SULT1B1: variants seen among roughly 807,000 people sequenced by gnomAD.
SULT1B1 encodes the protein sulfotransferase family 1B member 1.
In SULT1B1, 28 loss-of-function variants were observed where a neutral mutation model predicts 34.6. The observed-to-expected ratio is 0.81, with a 90% CI of 0.60 to 1.11. The LOEUF is 1.11. Among genes scored for constraint, SULT1B1 ranks in the 50% least tolerant of loss-of-function variants. The pLI is 0.00. For missense variants in SULT1B1, 374 were observed against 352.2 expected (o/e 1.06, Z -0.50); for synonymous variants, 147 against 110.2 (o/e 1.33, Z -2.09).
At chr4:69,739,658 G>C (rs1353350993) in intron 4 of SULT1B1, among the ~76,000 whole-genome samples, 2 of 152,210 alleles carry the variant, frequency 1.3e-5, no homozygotes, top group African/African-American at 4.8e-5. Flanking sequence ...ACATTGTCTA[G>C]GTGATTAGCA....
intron 4 of SULT1B1, among the ~76,000 whole-genome samples, chr4:69,747,182 T>C (rs1718783154): frequency 6.6e-6 from 1 of 152,050 alleles, no homozygotes; most frequent in African/African-American, 2.4e-5. Context: ...TAATCCAACA[T>C]GGAAGCAGGG....
At chr4:69,729,857 A>G (rs980317480) in intron 7 of SULT1B1, among the ~76,000 whole-genome samples, 1 of 152,142 alleles carries the variant, frequency 6.6e-6, no homozygotes, top group African/African-American at 2.4e-5. Context: ...GGTTAAATGT[A>G]TTGTTATTAT....
At chr4:69,747,412 G>C (rs57060589) in intron 4 of SULT1B1, among the ~76,000 whole-genome samples, 1 of 152,148 alleles carries the variant, frequency 6.6e-6, no homozygotes. Context: ...CAAGTGCTTC[G>C]GCAGGGCAGC....
At chr4:69,733,840 C>T (rs902765484) in intron 5 of SULT1B1, among the ~76,000 whole-genome samples, 29 of 152,090 alleles carry the variant, frequency 1.9e-4, no homozygotes, top group African/African-American at 7.0e-4. Flanking sequence ...ATTAACAGAT[C>T]TAACTAATTG....
In SULT1B1 at chr4:69,725,201, G is replaced by A. The variant is rs1248521847; in HGVS notation, c.*1887C>T. The A allele has an allele frequency of 4.0e-5, 6 of 151,814 alleles. No homozygotes were observed. Among genetic ancestry groups the A allele is most frequent in the Admixed American group, 1.3e-4 (2 of 15,236 alleles). The allele number at this position is 151,814 out of a possible 1,614,324, so 9.4% of individuals were successfully genotyped here. ...AAAAAAAAAACAACCCCATCAACAAGTGTGCAAAGAATATGAACAGATACT... is the reference window on the plus strand; with the variant it reads ...AAAAAAAAAACAACCCCATCAACAAATGTGCAAAGAATATGAACAGATACT... On this transcript the variant is annotated 3_prime_UTR_variant, in exon 8 of 8. Transcript: ENST00000310613.
intron 4 of SULT1B1, among the ~76,000 whole-genome samples, chr4:69,744,145 G>A (rs1404587649): frequency 1.3e-5 from 2 of 152,114 alleles, no homozygotes; most frequent in African/African-American, 4.8e-5. Context: ...TTCCCTCCAT[G>A]TCTAACCACG....
chr4:69,750,258 T>A (rs1283093133), intron 3 of SULT1B1, among the ~76,000 whole-genome samples: 1 of 152,212 alleles, frequency 6.6e-6, no homozygotes, highest in African/African-American at 2.4e-5. Context: ...TATTAGGTAC[T>A]GTAGCATAGA....
intron 7 of SULT1B1, 126 bp from the exon 8 acceptor site, chr4:69,727,326 A>G (rs1013989880): frequency 3.4e-6 from 2 of 590,552 alleles, no homozygotes. Flanking sequence ...GAATTCAAAC[A>G]GTCTTTAAAT....
At chr4:69,760,090 C>A in intron 1 of SULT1B1, 1 of 199,500 alleles carries the variant, frequency 5.0e-6, no homozygotes, top group Non-Finnish European at 9.0e-6. Flanking sequence ...TGGAGTGCAC[C>A]TTAAAGGTGT....
At chr4:69,730,862 C>G (rs1401531851) in intron 6 of SULT1B1, among the ~76,000 whole-genome samples, 181 bp from the exon 7 acceptor site, 4 of 152,030 alleles carry the variant, frequency 2.6e-5, no homozygotes, top group African/African-American at 9.7e-5. Context: ...TCAAGAATAT[C>G]TGTTATATTT....
At position 69,754,348 on chromosome 4, in the gene SULT1B1, A is replaced by T. The variant is rs185089581; in HGVS notation, c.277+322T>A. On this transcript the variant is annotated intron_variant, in intron 3 of 7. Transcript: ENST00000310613. ...AAGAAAAGTTGCTTCTTATTTATTA[A>T]TTACAACAAAGTCCTAAATTAGGAA... Among the ~76,000 whole-genome samples the T allele has an allele frequency of 5.8e-4, 89 of 152,290 alleles. 1 individual carries two copies. Among genetic ancestry groups the T allele is most frequent in the African/African-American group, 2.1e-3 (87 of 41,578 alleles).
intron 3 of SULT1B1, among the ~76,000 whole-genome samples, chr4:69,751,710 C>T (rs1014990030): frequency 6.6e-6 from 1 of 152,200 alleles, no homozygotes; most frequent in Non-Finnish European, 1.5e-5. Context: ...CCTCGACCTC[C>T]CAAAGTGCTG....
At chr4:69,749,166 A>G (rs1018176324) in intron 4 of SULT1B1, among the ~76,000 whole-genome samples, 2 of 152,126 alleles carry the variant, frequency 1.3e-5, no homozygotes, top group Non-Finnish European at 2.9e-5. Context: ...AAAACAGGGT[A>G]TCAGAACAAA....
chr4:69,740,994 TTTC>T (rs1718527608), intron 4 of SULT1B1, among the ~76,000 whole-genome samples: 1 of 152,206 alleles, frequency 6.6e-6, no homozygotes, highest in Non-Finnish European at 1.5e-5. Flanking sequence ...TTTTCTAAGT[TTTC>T]TTCTGGGTTT....
At chr4:69,750,407 T>C (rs1718935209) in intron 3 of SULT1B1, among the ~76,000 whole-genome samples, 1 of 152,168 alleles carries the variant, frequency 6.6e-6, no homozygotes, top group Admixed American at 6.5e-5. Context: ...TCTAAAGTCA[T>C]ACAACAAATA....
At chr4:69,728,168 A>G (rs755616241) in intron 7 of SULT1B1, among the ~76,000 whole-genome samples, 4 of 152,088 alleles carry the variant, frequency 2.6e-5, no homozygotes, top group Non-Finnish European at 4.4e-5. Context: ...GGATGTCATT[A>G]AAAACAGAGG....
intron 6 of SULT1B1, among the ~76,000 whole-genome samples, chr4:69,731,972 G>T (rs1204611251): frequency 2.0e-5 from 3 of 152,172 alleles, no homozygotes; most frequent in Non-Finnish European, 4.4e-5. Context: ...AGCTAAAATT[G>T]TTCTTTTCAT....
chr4:69,729,799 T>C (rs542568256), intron 7 of SULT1B1, among the ~76,000 whole-genome samples: 8 of 152,268 alleles, frequency 5.3e-5, no homozygotes, highest in African/African-American at 1.9e-4. Flanking sequence ...AAACAGATCG[T>C]GGCATTATTA....
intron 4 of SULT1B1, among the ~76,000 whole-genome samples, chr4:69,746,519 G>T (rs575304561): frequency 6.6e-6 from 1 of 152,212 alleles, no homozygotes; most frequent in Admixed American, 6.5e-5. Context: ...ATTGTATTAT[G>T]AAGTTCCTTT....
Sources: gnomAD v4.1 joint callset for allele counts (sites outside exome capture counted in the v4.1 genomes callset) on GRCh38, gnomAD v4.1.1 for gene constraint, MANE v1.5 for transcripts, NCBI Gene and HGNC (gene_info 2026-07-23, HGNC 2026-07-21) for gene names.